TRPM2: variants seen among roughly 807,000 people sequenced by gnomAD.
TRPM2 encodes transient receptor potential cation channel subfamily M member 2.
Under a neutral mutation model 174.0 loss-of-function variants are expected in TRPM2, and 161 were observed. The ratio of observed to expected loss-of-function variants is 0.93; its 90% CI spans 0.81 to 1.05. The LOEUF is 1.05. Among genes scored for constraint, TRPM2 ranks in the 50% least tolerant of loss-of-function variants. The pLI is 0.00. For synonymous variants in TRPM2, 954 were observed against 861.3 expected (o/e 1.11, Z -1.88); for missense variants, 2,057 against 2,038.0 (o/e 1.01, Z -0.18).
At chr21:44,407,327 A>C (rs1043241566) in intron 19 of TRPM2, among the ~76,000 whole-genome samples, 28 of 148,926 alleles carry the variant, frequency 1.9e-4, no homozygotes, top group African/African-American at 5.7e-4. Context: ...GGGTTTCAGC[A>C]TGTGGCCCAG....
Position 44,395,461 on chromosome 21 carries a change from T to A in TRPM2, c.1842T>A (p.His614Gln), listed in dbSNP as rs1423015977. Residue 614 changes from histidine (H) to glutamine (Q), a missense_variant, in exon 12 of 32, where the codon CAT becomes CAA. Transcript: ENST00000397928. ...LRSLYKRSSGHVTFTMDPIRD... is the reference protein window; with the variant it reads ...LRSLYKRSSGQVTFTMDPIRD... ...CCCTCTACAAGCGTTCCTCAGGCCA[T>A]GTGACCTTCACCATGGACCCCATCC... 1.2e-6 allele frequency: 2 copies of A among 1,612,960 alleles called. No homozygotes were observed. The highest frequency in any genetic ancestry group is 1.7e-6 in the Non-Finnish European group (2 of 1,179,956).
chr21:44,378,794 A>T (rs1222094533), intron 7 of TRPM2, among the ~76,000 whole-genome samples: 1 of 152,224 alleles, frequency 6.6e-6, no homozygotes, highest in Non-Finnish European at 1.5e-5. Flanking sequence ...GAGAGGTGCC[A>T]GGTGTGCAGC....
chr21:44,441,743 A>G lies in TRPM2; in HGVS notation c.4438A>G (p.Arg1480Gly). 6.2e-7 allele frequency: 1 copy of G among 1,612,182 alleles called. No homozygotes were observed. Residue 1480 changes from arginine (R) to glycine (G), a missense_variant, in exon 32 of 32, where the codon AGG becomes GGG. Transcript: ENST00000397928. ...CTCCATCCGATGGCAGGTGGTGGAC[A>G]GGCGCATCCCACTCTATGCGAACCA... ...GASIRWQVVDRRIPLYANHKT... is the reference protein window; with the variant it reads ...GASIRWQVVDGRIPLYANHKT...
At chr21:44,413,783 C>A in intron 19 of TRPM2, 108 bp from the exon 20 acceptor site, 2 of 1,313,460 alleles carry the variant, frequency 1.5e-6, no homozygotes, top group Non-Finnish European at 2.1e-6. Flanking sequence ...AGCATCAGGC[C>A]TGCGGGGGAC....
At chr21:44,402,401 C>T (rs2049651143) in intron 16 of TRPM2, among the ~76,000 whole-genome samples, 1 of 152,182 alleles carries the variant, frequency 6.6e-6, no homozygotes, top group South Asian at 2.1e-4. Flanking sequence ...CCGGCCAGTC[C>T]CTCCCTGTGG....
At chr21:44,370,532 C>T (rs1265374986) in intron 5 of TRPM2, among the ~76,000 whole-genome samples, 1 of 152,194 alleles carries the variant, frequency 6.6e-6, no homozygotes, top group Admixed American at 6.5e-5. Context: ...GTCAGGAAAG[C>T]CCAGGGAACA....
In TRPM2 at chr21:44,400,143, G is replaced by A. The variant is rs186693249; in HGVS notation, c.2209-116G>A. 3.2e-3 allele frequency: 2,518 copies of A among 793,430 alleles called. 29 individuals carry two copies. The highest frequency in any genetic ancestry group is 1.5e-3 in the Admixed American group (58 of 37,916). 49.1% of individuals were successfully genotyped at this position (793,430 alleles called of 1,614,324 possible). ...CTGTGTCTTCACCACTTTCTGCTGT[G>A]AGACTGCAGGCTAGCTCTGTCCACT... On this transcript the variant is annotated intron_variant, in intron 14 of 31. Coordinates refer to ENST00000397928, the MANE Select transcript of TRPM2 (RefSeq NM_003307.4).
rs771305939 is a variant in TRPM2, at chr21:44,353,806, A to G, written c.106A>G (p.Ser36Gly). 15 of 1,600,948 alleles carry G rather than the reference A, an allele frequency of 9.4e-6. No homozygotes were observed. Among genetic ancestry groups the G allele is most frequent in the Middle Eastern group, 1.7e-4 (1 of 6,042 alleles). ...GGGGATGGTCTCCAATCTCCGGCGC[A>G]GCAACAGCAGCCTCTTCAAGAGCTG... ...DLGMVSNLRR[S>G]NSSLFKSWRL... is the part of the protein sequence containing the mutation. The change falls in exon 1 of 32, where the codon AGC (serine) becomes GGC (glycine). Residue 36 changes from serine to glycine, a missense_variant. Physicochemically the swap from Ser to Gly is moderately conservative, Grantham distance 56. Coordinates refer to ENST00000397928, the MANE Select transcript of TRPM2 (RefSeq NM_003307.4).
intron 27 of TRPM2, among the ~76,000 whole-genome samples, chr21:44,428,685 GA>G: frequency 4.0e-5 from 1 of 25,076 alleles, no homozygotes; most frequent in East Asian, 4.0e-3. Flanking sequence ...GCTCCTCCCT[GA>G]GGTGTGGCTC....
intron 28 of TRPM2, among the ~76,000 whole-genome samples, chr21:44,436,005 C>T (rs1482030375): frequency 6.6e-6 from 1 of 151,050 alleles, no homozygotes; most frequent in Non-Finnish European, 1.5e-5. Context: ...CACTCACCCC[C>T]TCAGACCCTC....
intron 17 of TRPM2, among the ~76,000 whole-genome samples, chr21:44,405,695 T>G (rs1275266534): frequency 1.3e-5 from 2 of 152,140 alleles, no homozygotes; most frequent in Non-Finnish European, 2.9e-5. Flanking sequence ...CATGCCAGGC[T>G]GCCCTGTGGG....
Position 44,395,543 on chromosome 21 carries a change from T to G in TRPM2, c.1924T>G (p.Trp642Gly). Residue 642 changes from tryptophan (W) to glycine (G), a missense_variant, in exon 12 of 32, where the codon TGG (tryptophan) becomes GGG (glycine). Trp to Gly is a radical substitution (Grantham distance 184). Coordinates refer to ENST00000397928, the MANE Select transcript of TRPM2 (RefSeq NM_003307.4). ...CCGTCGGGAGCTGGCAGGAATCATC[T>G]GGGCTCAGGTAATAAGACTGGCTTC... is the stretch of plus-strand genomic sequence containing the variant. ...QNRRELAGII[W>G]AQSQDCIAAA... 1 of 1,612,910 alleles carries G rather than the reference T, an allele frequency of 6.2e-7. No homozygotes were observed. Among genetic ancestry groups the G allele is most frequent in the South Asian group, 1.1e-5 (1 of 91,082 alleles).
chr21:44,375,115 G>A (rs1303279523), intron 5 of TRPM2, among the ~76,000 whole-genome samples: 3 of 152,158 alleles, frequency 2.0e-5, no homozygotes, highest in South Asian at 2.1e-4. Flanking sequence ...CCGCTATGTC[G>A]TCCAGGCTGG....
At chr21:44,409,912 C>A (rs559292078) in intron 19 of TRPM2, among the ~76,000 whole-genome samples, 18 of 146,344 alleles carry the variant, frequency 1.2e-4, no homozygotes, top group Admixed American at 5.5e-4. Context: ...CTTGGCGTAG[C>A]CTTGTAGTAA....
At chr21:44,434,364 C>T (rs959628440) in intron 27 of TRPM2, among the ~76,000 whole-genome samples, 1 of 150,222 alleles carries the variant, frequency 6.7e-6, no homozygotes, top group Non-Finnish European at 1.5e-5. Flanking sequence ...GGGACTGTGG[C>T]GGGGACACTG....
In TRPM2 at chr21:44,424,252, C is replaced by T. The variant is rs572338271; in HGVS notation, c.3549+520C>T. Among the ~76,000 whole-genome samples, 440 of 152,334 alleles carry T rather than the reference C, an allele frequency of 2.9e-3. 3 individuals are homozygous for T. The highest frequency in any genetic ancestry group is 9.7e-3 in the African/African-American group (404 of 41,582). On this transcript the variant is annotated intron_variant, in intron 23 of 31. Transcript: ENST00000397928. ...CTGTGCTGCTGCTCCCAGCCTTGCT[C>T]TGTGGGGCAGGGCTGGGACCTGTGC...
At chr21:44,370,445 A>G (rs936435346) in intron 5 of TRPM2, among the ~76,000 whole-genome samples, 1 of 152,200 alleles carries the variant, frequency 6.6e-6, no homozygotes, top group African/African-American at 2.4e-5. Context: ...GTTGGGACAG[A>G]TAATGAGTCA....
intron 3 of TRPM2, among the ~76,000 whole-genome samples, chr21:44,365,037 C>T (rs1014945136): frequency 5.3e-5 from 8 of 151,198 alleles, no homozygotes; most frequent in Admixed American, 1.3e-4. Context: ...CTGAGACTCG[C>T]GTGTTGACCA....
chr21:44,377,734 C>G lies in TRPM2; in HGVS notation c.975C>G (p.Ile325Met), dbSNP rs767415235. ...ERGGVAIKIPIVCVVLEGGPG... is the reference protein window; with the variant it reads ...ERGGVAIKIPMVCVVLEGGPG... ...TAGGTGTGGCCATCAAGATCCCCAT[C>G]GTGTGCGTGGTGCTGGAGGGCGGCC... is the stretch of plus-strand genomic sequence containing the variant. The change falls in exon 7 of 32, where the codon ATC (isoleucine) becomes ATG (methionine). Residue 325 changes from isoleucine to methionine, a missense_variant. Physicochemically the swap from Ile to Met is conservative, Grantham distance 10. Coordinates refer to ENST00000397928, the MANE Select transcript of TRPM2 (RefSeq NM_003307.4). 6 of 1,614,190 alleles carry G rather than the reference C, an allele frequency of 3.7e-6. No homozygotes were observed. Among genetic ancestry groups the G allele is most frequent in the Admixed American group, 1.7e-5 (1 of 60,028 alleles).
Sources: gnomAD v4.1 joint callset for allele counts (sites outside exome capture counted in the v4.1 genomes callset) on GRCh38, gnomAD v4.1.1 for gene constraint, MANE v1.5 for transcripts, NCBI Gene and HGNC (gene_info 2026-07-23, HGNC 2026-07-21) for gene names.